The following EML6 variants were observed in gnomAD, a reference collection of about 807,000 sequenced individuals.
EML6 encodes the protein echinoderm microtubule-associated protein-like 6.
In EML6, 154 loss-of-function variants were observed where a neutral mutation model predicts 240.1. The observed-to-expected ratio is 0.64, with a 90% CI of 0.56 to 0.73. EML6 has a LOEUF of 0.73. Ranked by LOEUF, EML6 falls within the 30% of genes least tolerant of loss-of-function variation. The probability of loss-of-function intolerance (pLI) is 0.00; values close to 1 mark genes in which losing one functional copy is unlikely to be tolerated. For synonymous variants in EML6, 1,148 were observed against 899.0 expected (o/e 1.28, Z -4.95); for missense variants, 2,964 against 2,474.6 (o/e 1.20, Z -4.20).
chr2:54,899,498 T>C, intron 21 of EML6, 143 bp from the exon 22 acceptor site: 1 of 680,604 alleles, frequency 1.5e-6, no homozygotes, highest in East Asian at 3.0e-5. Flanking sequence ...GTGATGATTT[T>C]GGTTCAAGGA....
intron 2 of EML6, among the ~76,000 whole-genome samples, chr2:54,735,406 A>G (rs1683346891): frequency 6.6e-6 from 1 of 152,254 alleles, no homozygotes; most frequent in Non-Finnish European, 1.5e-5. Context: ...TGAGATTTCT[A>G]TAGAACTCAT....
At position 54,937,552 on chromosome 2, in the gene EML6, TTA is replaced by T. The variant is rs1491271488; in HGVS notation, c.4004+8802_4004+8803del. On this transcript the variant is annotated intron_variant, in intron 28 of 41. Transcript: ENST00000356458. ...TGGGCCATAGAGCAAGACTCTGTCT[TTA>T]AAAAAAAAAAAAAAAAAAAAAAAAA... is the stretch of plus-strand genomic sequence containing the variant. Among the ~76,000 whole-genome samples the T allele has an allele frequency of 6.0e-3, 564 of 94,364 alleles. 3 individuals are homozygous for T. Among genetic ancestry groups the T allele is most frequent in the South Asian group, 0.013 (37 of 2,820 alleles). 61.9% of individuals were successfully genotyped at this position (94,364 alleles called of 152,430 possible).
intron 2 of EML6, among the ~76,000 whole-genome samples, chr2:54,785,131 G>T (rs758676562): frequency 6.7e-6 from 1 of 150,348 alleles, no homozygotes; most frequent in Non-Finnish European, 1.5e-5. Context: ...TGAAAAATAC[G>T]AGAGAACTTC....
intron 2 of EML6, among the ~76,000 whole-genome samples, chr2:54,741,380 G>A (rs67617923): frequency 0.13 from 19,178 of 152,164 alleles, 1,371 homozygotes; most frequent in Middle Eastern, 0.18. Context: ...AGGTATAGGT[G>A]TGAGGCCCCA....
rs1417585302 is a variant in EML6 at position 54,879,636 on chromosome 2, A to AC, written c.2435dup (p.Arg813LysfsTer4). 6.5e-7 allele frequency: 1 copy of AC among 1,544,422 alleles called. No individual in the cohort carries two copies. The highest frequency in any genetic ancestry group is 1.2e-5 in the South Asian group (1 of 83,884). ...GAAAAAGGGAGAAAAGATAGCCACA[A>AC]CAAGGTAAGAAGCTGCCGGGATCTT... On this transcript the variant is annotated frameshift_variant, in exon 17 of 42. Transcript: ENST00000356458. LOFTEE classifies it high-confidence loss of function.
rs543099443 is a variant in EML6 at position 54,772,543 on chromosome 2, C to T, written c.198-40689C>T. Among the ~76,000 whole-genome samples the T allele has an allele frequency of 6.6e-5, 10 of 152,276 alleles. No individual in the cohort carries two copies. The South Asian group carries it at 2.1e-3, about 32-fold the overall frequency. ...AATTTCATTCCAAGATACAATTTCC[C>T]CTAAACTGAGGCTACCTTTTTGTTT... On this transcript the variant is annotated intron_variant, in intron 2 of 41. Coordinates refer to ENST00000356458, the MANE Select transcript of EML6 (RefSeq NM_001039753.4).
chr2:54,822,125 A>G (rs1668361841), intron 5 of EML6, among the ~76,000 whole-genome samples: 1 of 152,148 alleles, frequency 6.6e-6, no homozygotes, highest in South Asian at 2.1e-4. Context: ...AAAACTGACA[A>G]ATAGAAACAC....
intron 2 of EML6, among the ~76,000 whole-genome samples, chr2:54,739,060 C>T (rs375866472): frequency 6.6e-6 from 1 of 152,038 alleles, no homozygotes; most frequent in Non-Finnish European, 1.5e-5. Context: ...GTGGTTGTGT[C>T]GATTTATACT....
chr2:54,914,014 G>A (rs796944569), intron 25 of EML6, among the ~76,000 whole-genome samples: 8 of 152,208 alleles, frequency 5.3e-5, no homozygotes, highest in African/African-American at 1.9e-4. Flanking sequence ...TGGCCTATAT[G>A]TCTTTTTATA....
intron 2 of EML6, among the ~76,000 whole-genome samples, chr2:54,786,698 G>A (rs1299718980): frequency 6.6e-6 from 1 of 152,200 alleles, no homozygotes; most frequent in Non-Finnish European, 1.5e-5. Flanking sequence ...AAGAAATGGA[G>A]CAAACAATTA....
intron 28 of EML6, among the ~76,000 whole-genome samples, chr2:54,943,319 G>T (rs1227616026): frequency 6.6e-6 from 1 of 151,958 alleles, no homozygotes; most frequent in East Asian, 1.9e-4. Context: ...GCTTGGCCCC[G>T]GCCTCCTGTC....
At chr2:54,864,460 A>G (rs6756000) in intron 13 of EML6, among the ~76,000 whole-genome samples, 58,033 of 152,152 alleles carry the variant, frequency 0.38, 11,626 homozygotes, top group Middle Eastern at 0.44. Flanking sequence ...GGAAGTTGAC[A>G]TATCATTTTA....
At chr2:54,885,971 G>A (rs780150351) in intron 17 of EML6, among the ~76,000 whole-genome samples, 2 of 151,918 alleles carry the variant, frequency 1.3e-5, no homozygotes, top group African/African-American at 2.4e-5. Flanking sequence ...GCCTCTCATC[G>A]TAGGGTTCAC....
chr2:54,813,957 C>T lies in EML6; in HGVS notation c.357+566C>T, dbSNP rs138620454. On this transcript the variant is annotated intron_variant, in intron 3 of 41. Transcript: ENST00000356458. ...CCTCTCCTTTCCATTCTTCCTGCCA[C>T]TGTCCTTTAAGTGCTAATAAGTCAG... Among the ~76,000 whole-genome samples, 219 of 152,314 alleles carry T rather than the reference C, an allele frequency of 1.4e-3. 1 individual carries two copies. Among genetic ancestry groups the T allele is most frequent in the African/African-American group, 5.1e-3 (211 of 41,564 alleles).
chr2:54,737,763 A>G lies in EML6; in HGVS notation c.197+12505A>G, dbSNP rs376083433. 1.4e-4 allele frequency among the ~76,000 whole-genome samples: 21 copies of G among 152,114 alleles called. No individual in the cohort carries two copies. In the East Asian group the frequency reaches 4.0e-3, roughly 29 times the overall value. On this transcript the variant is annotated intron_variant, in intron 2 of 41. Transcript: ENST00000356458. Reference sequence around the variant, plus strand: ...TTGTGCGGTTGAACAGGTCGTGTCAATTCTCTGCCTTGAACCCTCAGAGGA... The same window carrying G: ...TTGTGCGGTTGAACAGGTCGTGTCAGTTCTCTGCCTTGAACCCTCAGAGGA...
At chr2:54,821,450 G>A (rs993491278) in intron 5 of EML6, among the ~76,000 whole-genome samples, 12 of 152,096 alleles carry the variant, frequency 7.9e-5, no homozygotes, top group Non-Finnish European at 1.6e-4. Context: ...ATTTACAAAT[G>A]TATCATTTAT....
intron 2 of EML6, among the ~76,000 whole-genome samples, chr2:54,757,739 G>A (rs1039847854): frequency 6.6e-6 from 1 of 152,028 alleles, no homozygotes; most frequent in African/African-American, 2.4e-5. Flanking sequence ...TATCTGCAAG[G>A]CCCTGAGCCT....
intron 33 of EML6, among the ~76,000 whole-genome samples, chr2:54,958,444 A>G (rs1397195662): frequency 6.6e-6 from 1 of 152,102 alleles, no homozygotes; most frequent in Admixed American, 6.5e-5. Flanking sequence ...CGCCTGCCTC[A>G]GCCTCCCAAA....
chr2:54,839,783 C>T (rs992772867), intron 7 of EML6, among the ~76,000 whole-genome samples: 6 of 152,168 alleles, frequency 3.9e-5, no homozygotes, highest in African/African-American at 1.4e-4. Context: ...GCAAGAGCTC[C>T]CTGGATATGG....
Sources: allele counts gnomAD v4.1 joint callset (sites outside exome capture counted in the v4.1 genomes callset), GRCh38; gene constraint gnomAD v4.1.1; transcripts MANE v1.5; gene names NCBI Gene and HGNC (gene_info 2026-07-23, HGNC 2026-07-21).